EEF1AKMT1: variants seen among roughly 807,000 people sequenced by gnomAD.
The protein encoded by EEF1AKMT1 is N-6 adenine-specific DNA methyltransferase 2 (putative).
EEF1AKMT1 carries 18 observed loss-of-function variants against 21.0 expected under a neutral mutation model. The observed-to-expected ratio is 0.86, with a 90% CI of 0.59 to 1.27. The LOEUF (loss-of-function observed/expected upper bound fraction) is 1.27. Ranked by LOEUF, EEF1AKMT1 falls within the 50% of genes most tolerant of loss-of-function variation. The probability of loss-of-function intolerance (pLI) is 0.00; values close to 1 mark genes in which losing one functional copy is unlikely to be tolerated. For missense variants in EEF1AKMT1, 246 were observed against 258.6 expected, an observed-to-expected ratio of 0.95 and a Z score of 0.33; for synonymous variants, 109 against 94.8, an observed-to-expected ratio of 1.15 and a Z score of -0.87.
intron 2 of EEF1AKMT1, among the ~76,000 whole-genome samples, chr13:20,750,479 T>C (rs9506548): frequency 0.38 from 57,374 of 152,024 alleles, 12,676 homozygotes; most frequent in Non-Finnish European, 0.5. Flanking sequence ...TCACTTAACA[T>C]AATGACCTCC....
intron 2 of EEF1AKMT1, among the ~76,000 whole-genome samples, chr13:20,755,871 T>C (rs764131601): frequency 3.3e-5 from 5 of 152,096 alleles, no homozygotes; most frequent in East Asian, 1.9e-4. Context: ...AAAAAGTACA[T>C]AGTATTTTAA....
intron 2 of EEF1AKMT1, among the ~76,000 whole-genome samples, chr13:20,751,030 T>C (rs1595022971): frequency 1.3e-5 from 2 of 152,320 alleles, no homozygotes; most frequent in Middle Eastern, 6.8e-3. Context: ...AATGGGATTA[T>C]TTGGTTTTGA....
At chr13:20,760,518 T>G (rs990332770) in intron 1 of EEF1AKMT1, among the ~76,000 whole-genome samples, 4 of 151,704 alleles carry the variant, frequency 2.6e-5, no homozygotes, top group African/African-American at 9.7e-5. Flanking sequence ...ACAGAAATAA[T>G]AGATACTAGG....
intron 1 of EEF1AKMT1, among the ~76,000 whole-genome samples, chr13:20,762,333 C>T (rs531907936): frequency 1.3e-5 from 2 of 151,674 alleles, no homozygotes; most frequent in South Asian, 2.1e-4. Flanking sequence ...ATTACAGGCA[C>T]CTGCCACCAC....
At chr13:20,742,115 T>C (rs2058874893) in intron 2 of EEF1AKMT1, among the ~76,000 whole-genome samples, 1 of 152,200 alleles carries the variant, frequency 6.6e-6, no homozygotes, top group Non-Finnish European at 1.5e-5. Flanking sequence ...TTGAAGGGCA[T>C]ATACAGTTAA....
chr13:20,732,006 ACTC>A lies in EEF1AKMT1; in HGVS notation c.340_342del (p.Glu114del), dbSNP rs552348995. On this transcript the variant is annotated inframe_deletion, in exon 4 of 5. Coordinates refer to ENST00000382758, the MANE Select transcript of EEF1AKMT1 (RefSeq NM_001318939.2). Reference sequence around the variant, plus strand: ...GGATTATTGTAATCATAGAAAATAAACTCCTCTCCATACATGGCAAATCTTTTG... The same window carrying A: ...GGATTATTGTAATCATAGAAAATAAACTCTCCATACATGGCAAATCTTTTG... The A allele has an allele frequency of 8.5e-5, 137 of 1,613,988 alleles. No individual in the cohort carries two copies. Among genetic ancestry groups the A allele is most frequent in the Non-Finnish European group, 1.1e-4 (130 of 1,180,034 alleles).
intron 2 of EEF1AKMT1, among the ~76,000 whole-genome samples, chr13:20,744,194 T>C (rs756198062): frequency 1.3e-5 from 2 of 152,200 alleles, no homozygotes; most frequent in Non-Finnish European, 2.9e-5. Context: ...GACATAATCC[T>C]TTGGGTATAT....
At chr13:20,757,387 A>G in intron 2 of EEF1AKMT1, 68 bp downstream of exon 2, 1 of 1,556,452 alleles carries the variant, frequency 6.4e-7, no homozygotes, top group Non-Finnish European at 8.8e-7. Flanking sequence ...ACAGACAAAC[A>G]CTGGACTAAT....
At chr13:20,748,726 G>GTTT (rs750094631) in intron 2 of EEF1AKMT1, among the ~76,000 whole-genome samples, 3,717 of 72,278 alleles carry the variant, frequency 0.051, 231 homozygotes, top group Non-Finnish European at 0.064. Flanking sequence ...TTTTTTTTTG[G>GTTT]TTTTTTTTTT....
At chr13:20,743,079 T>C (rs2058881337) in intron 2 of EEF1AKMT1, among the ~76,000 whole-genome samples, 1 of 152,170 alleles carries the variant, frequency 6.6e-6, no homozygotes, top group African/African-American at 2.4e-5. Context: ...ATTATTTACT[T>C]TTATTGAGAC....
At chr13:20,748,719 TTTTTTG>T (rs2058923309) in intron 2 of EEF1AKMT1, among the ~76,000 whole-genome samples, 2 of 90,650 alleles carry the variant, frequency 2.2e-5, no homozygotes, top group African/African-American at 7.2e-5. Context: ...ATAGTTGTTT[TTTTTTG>T]GTTTTTTTTT....
intron 2 of EEF1AKMT1, among the ~76,000 whole-genome samples, chr13:20,751,785 G>A (rs984408755): frequency 6.6e-6 from 1 of 152,088 alleles, no homozygotes; most frequent in Non-Finnish European, 1.5e-5. Flanking sequence ...CCGTGAGCAC[G>A]GGATGTCTTT....
intron 2 of EEF1AKMT1, 101 bp downstream of exon 2, chr13:20,757,354 C>CAT: frequency 2.2e-6 from 3 of 1,384,232 alleles, no homozygotes; most frequent in Non-Finnish European, 3.0e-6. Flanking sequence ...TGACAGGTGA[C>CAT]AGAGATTCCG....
Position 20,769,627 on chromosome 13 carries a change from AAGAC to A in EEF1AKMT1, c.-20+4290_-20+4293del, listed in dbSNP as rs374723414. Among the ~76,000 whole-genome samples, 1,190 of 152,326 alleles carry A rather than the reference AAGAC, an allele frequency of 7.8e-3. 28 individuals carry two copies. The South Asian group carries it at 0.094, about 12-fold the overall frequency. On this transcript the variant is annotated intron_variant, in intron 1 of 4. Coordinates refer to ENST00000382758, the MANE Select transcript of EEF1AKMT1 (RefSeq NM_001318939.2). ...TACAACTCGTGCTGATCCCCAGCAA[AAGAC>A]AGCCTACAAAATCAAAAAAACATAA...
intron 1 of EEF1AKMT1, among the ~76,000 whole-genome samples, chr13:20,764,812 C>G (rs1234759936): frequency 6.8e-6 from 1 of 147,160 alleles, no homozygotes; most frequent in Admixed American, 6.9e-5. Flanking sequence ...TACCTGCTAT[C>G]AATAAAAGTG....
intron 2 of EEF1AKMT1, among the ~76,000 whole-genome samples, chr13:20,751,601 AC>A (rs1375317122): frequency 1.3e-5 from 2 of 151,256 alleles, no homozygotes; most frequent in East Asian, 3.9e-4. Flanking sequence ...TGATGCCTCC[AC>A]CCTTGTTCTA....
intron 2 of EEF1AKMT1, among the ~76,000 whole-genome samples, chr13:20,742,763 CAT>C (rs1355853339): frequency 6.6e-6 from 1 of 152,232 alleles, no homozygotes; most frequent in Non-Finnish European, 1.5e-5. Flanking sequence ...ACAGGCTGCC[CAT>C]GGTCCTCAGC....
At position 20,764,917 on chromosome 13, in the gene EEF1AKMT1, A is replaced by ACACACACACACACACC. The variant is rs71087097; in HGVS notation, c.-19-7301_-19-7300insGGTGTGTGTGTGTGTG. The stretch of plus-strand genomic sequence containing the variant: ...CACACACACACACACACACACACAC[A>ACACACACACACACACC]CCCTAATTTTGAAGTGAGTTTCTTG... On this transcript the variant is annotated intron_variant, in intron 1 of 4. Coordinates refer to ENST00000382758, the MANE Select transcript of EEF1AKMT1 (RefSeq NM_001318939.2). Among the ~76,000 whole-genome samples the ACACACACACACACACC allele has an allele frequency of 6.1e-5, 9 of 146,394 alleles. No individual in the cohort carries two copies. In the East Asian group the frequency reaches 1.6e-3, roughly 26 times the overall value.
intron 2 of EEF1AKMT1, among the ~76,000 whole-genome samples, chr13:20,743,800 C>A (rs775020232): frequency 6.6e-6 from 1 of 151,810 alleles, no homozygotes; most frequent in Non-Finnish European, 1.5e-5. Context: ...TTTTAAGCCC[C>A]ACATGCATGA....
Sources: gnomAD v4.1 joint callset for allele counts (sites outside exome capture counted in the v4.1 genomes callset) on GRCh38, gnomAD v4.1.1 for gene constraint, MANE v1.5 for transcripts, NCBI Gene and HGNC (gene_info 2026-07-23, HGNC 2026-07-21) for gene names.